ZNF561: variants seen among roughly 807,000 people sequenced by gnomAD.
ZNF561 encodes the protein zinc finger protein 561.
In ZNF561, 16 loss-of-function variants were observed where a neutral mutation model predicts 16.7. The observed-to-expected ratio is 0.96, with a 90% CI of 0.65 to 1.45. The LOEUF is 1.45. ZNF561 is among the 40% of genes most tolerant of loss of function. ZNF561 has a pLI of 0.00. For synonymous variants in ZNF561, 190 were observed against 192.1 expected (o/e 0.99, Z 0.09); for missense variants, 580 against 578.0 (o/e 1.00, Z -0.04).
intron 3 of ZNF561, chr19:9,617,390 A>C: frequency 9.0e-7 from 1 of 1,109,178 alleles, no homozygotes. Context: ...AATTTTTTTA[A>C]ATCTTTTTTT....
At position 9,619,471 on chromosome 19, in the gene ZNF561, G is replaced by T; in HGVS notation, c.-15C>A. On this transcript the variant is annotated 5_prime_UTR_variant, in exon 2 of 6. Transcript: ENST00000302851. Reference sequence around the variant, plus strand: ...ATGGCTGCCATTCTCTGAAGCTGATGGTGTGATGATGTGCATCCCTTCCTT... The same window carrying T: ...ATGGCTGCCATTCTCTGAAGCTGATTGTGTGATGATGTGCATCCCTTCCTT... The T allele has an allele frequency of 6.2e-7, 1 of 1,612,806 alleles. No homozygotes were observed. Among genetic ancestry groups the T allele is most frequent in the South Asian group, 1.1e-5 (1 of 90,972 alleles).
rs2074415725 is a variant in ZNF561, at chr19:9,609,959, G to A, written c.*241C>T. ...CAACTTGTTAATGCTATGATCTTAGGAATCTAATCACCAAGGTGAGGCAGC... is the reference window on the plus strand; with the variant it reads ...CAACTTGTTAATGCTATGATCTTAGAAATCTAATCACCAAGGTGAGGCAGC... On this transcript the variant is annotated 3_prime_UTR_variant, in exon 6 of 6. Transcript: ENST00000302851. 4 of 394,148 alleles carry A rather than the reference G, an allele frequency of 1.0e-5. No homozygotes were observed. Among genetic ancestry groups the A allele is most frequent in the Non-Finnish European group, 1.8e-5 (4 of 219,402 alleles). The allele number at this position is 394,148 out of a possible 1,614,324, so 24.4% of individuals were successfully genotyped here. A position where few individuals can be genotyped will look rare whatever the true frequency, so the allele number is the denominator to read the frequency against.
Position 9,610,919 on chromosome 19 carries a change from T to C in ZNF561, c.742A>G (p.Thr248Ala). 3.1e-6 allele frequency: 5 copies of C among 1,614,228 alleles called. No individual in the cohort carries two copies. The highest frequency in any genetic ancestry group is 3.4e-6 in the Non-Finnish European group (4 of 1,180,040). ...TTAGTCTTTTTGGATTTCTTTCCTGTATGAACTGCTACACACTGCTTTAGG... is the reference window on the plus strand; with the variant it reads ...TTAGTCTTTTTGGATTTCTTTCCTGCATGAACTGCTACACACTGCTTTAGG... ...SHLKQCVAVH[T>A]GKKSKKTKKC... Residue 248 changes from threonine to alanine, a missense_variant, in exon 6 of 6, where the codon ACA becomes GCA. Transcript: ENST00000302851.
At chr19:9,614,670 G>A (rs1401399091) in intron 4 of ZNF561, among the ~76,000 whole-genome samples, 1 of 151,978 alleles carries the variant, frequency 6.6e-6, no homozygotes, top group Non-Finnish European at 1.5e-5. Flanking sequence ...AAGTAGGAAA[G>A]ATCTAGATAA....
chr19:9,617,547 G>A (rs2074578310), intron 3 of ZNF561: 2 of 371,706 alleles, frequency 5.4e-6, no homozygotes, highest in East Asian at 7.3e-5. Flanking sequence ...TAAAAACAGG[G>A]TCCAACTGTG....
Position 9,619,496 on chromosome 19 carries a change from T to C in ZNF561, c.-40A>G. 1 of 1,611,050 alleles carries C rather than the reference T, an allele frequency of 6.2e-7. No individual in the cohort carries two copies. The highest frequency in any genetic ancestry group is 8.5e-7 in the Non-Finnish European group (1 of 1,177,828). ...GGTGTGATGATGTGCATCCCTTCCT[T>C]GATGCCAAGATCACCTCAGGCCAGC... On this transcript the variant is annotated 5_prime_UTR_variant, in exon 2 of 6. Transcript: ENST00000302851.
rs1188632865 is a variant in ZNF561, at chr19:9,608,491, T to C, written c.*1709A>G. The C allele has an allele frequency of 6.6e-6, 1 of 152,148 alleles. No individual in the cohort carries two copies. The highest frequency in any genetic ancestry group is 1.5e-5 in the Non-Finnish European group (1 of 68,040). The allele number at this position is 152,148 out of a possible 1,614,324, so 9.4% of individuals were successfully genotyped here. ...CCTCATTTATTTAAAATTAACAAAT[T>C]TGTAAGCCATTTGGTCTGTGGTATT... On this transcript the variant is annotated 3_prime_UTR_variant, in exon 6 of 6. Coordinates refer to ENST00000302851, the MANE Select transcript of ZNF561 (RefSeq NM_152289.3).
chr19:9,614,472 G>T (rs1271634230), intron 4 of ZNF561, among the ~76,000 whole-genome samples: 1 of 152,194 alleles, frequency 6.6e-6, no homozygotes, highest in African/African-American at 2.4e-5. Flanking sequence ...GCCAGGCATG[G>T]TGGCGCATGC....
rs770908461 is a variant in ZNF561, at chr19:9,610,870, T to A, written c.791A>T (p.Asn264Ile). The A allele has an allele frequency of 1.2e-6, 2 of 1,614,014 alleles. No individual in the cohort carries two copies. Among genetic ancestry groups the A allele is most frequent in the African/African-American group, 1.3e-5 (1 of 74,910 alleles). ...CACAGGTGCATAAAGTTGAGAAAAA[T>A]TAGTGAAGGATTTCCCACATTTCTT... ...KTKKCGKSFT[N>I]FSQLYAPVKT... The change falls in exon 6 of 6, where the codon AAT (asparagine) becomes ATT (isoleucine). Residue 264 changes from asparagine (N) to isoleucine (I), a missense_variant. Transcript: ENST00000302851.
chr19:9,616,848 C>T, intron 4 of ZNF561, 197 bp downstream of exon 4: 1 of 562,970 alleles, frequency 1.8e-6, no homozygotes, highest in Non-Finnish European at 2.9e-6. Context: ...TCCACCTCAG[C>T]CTCCCAAAGT....
At position 9,609,607 on chromosome 19, in the gene ZNF561, T is replaced by C. The variant is rs117197940; in HGVS notation, c.*593A>G. On this transcript the variant is annotated 3_prime_UTR_variant, in exon 6 of 6. Transcript: ENST00000302851. Reference sequence around the variant, plus strand: ...AGTGAGAAGAGAGACTGGATTATACTAGAAGAGACATTGCCACTTACATTG... The same window carrying C: ...AGTGAGAAGAGAGACTGGATTATACCAGAAGAGACATTGCCACTTACATTG... The C allele has an allele frequency of 0.017, 2,651 of 152,886 alleles. 34 individuals carry two copies. Among genetic ancestry groups the C allele is most frequent in the Non-Finnish European group, 0.026 (1,772 of 68,464 alleles). 9.5% of individuals were successfully genotyped at this position (152,886 alleles called of 1,614,324 possible).
Position 9,611,209 on chromosome 19 carries a change from T to C in ZNF561, c.452A>G (p.Tyr151Cys). 2 of 1,613,944 alleles carry C rather than the reference T, an allele frequency of 1.2e-6. No individual in the cohort carries two copies. Among genetic ancestry groups the C allele is most frequent in the Non-Finnish European group, 8.5e-7 (1 of 1,179,876 alleles). The change falls in exon 6 of 6, where the codon TAT (tyrosine) becomes TGT (cysteine). Residue 151 changes from tyrosine (Y) to cysteine (C), a missense_variant. Coordinates refer to ENST00000302851, the MANE Select transcript of ZNF561 (RefSeq NM_152289.3). The stretch of plus-strand genomic sequence containing the variant: ...GTGCACACTGAGGGTGTCTTTTCCA[T>C]AACAATTACCCTCAGAAGTATTCCC... ...NGGNTSEGNC[Y>C]GKDTLSVHKE... is the part of the protein sequence containing the mutation.
At position 9,610,046 on chromosome 19, in the gene ZNF561, T is replaced by C. The variant is rs2074416877; in HGVS notation, c.*154A>G. ...ACAGATGCCCAGACTCAGGCAACCA[T>C]GATGTTGTATTCAGAACCTGTAGGT... On this transcript the variant is annotated 3_prime_UTR_variant, in exon 6 of 6. Transcript: ENST00000302851. The C allele has an allele frequency of 1.5e-6, 1 of 670,948 alleles. No homozygotes were observed. Among genetic ancestry groups the C allele is most frequent in the Non-Finnish European group, 2.4e-6 (1 of 411,508 alleles). 41.6% of individuals were successfully genotyped at this position (670,948 alleles called of 1,614,324 possible).
At chr19:9,612,881 A>T (rs1472013067) in intron 5 of ZNF561, among the ~76,000 whole-genome samples, 1 of 152,104 alleles carries the variant, frequency 6.6e-6, no homozygotes, top group Non-Finnish European at 1.5e-5. Flanking sequence ...CTGTGGCCTT[A>T]ATCTCCCAGG....
At chr19:9,612,001 C>T (rs958576867) in intron 5 of ZNF561, among the ~76,000 whole-genome samples, 2 of 151,822 alleles carry the variant, frequency 1.3e-5, no homozygotes, top group South Asian at 2.1e-4. Flanking sequence ...GATTTCGGCT[C>T]GTTGCAAACT....
At position 9,610,791 on chromosome 19, in the gene ZNF561, A is replaced by G; in HGVS notation, c.870T>C (p.Phe290=). ...GATCATTAAGGCATGAGGAATTTCT[A>G]AAGGATCTTCCACATTCTTTACATT... ...SFECKECGRS[F]RNSSCLNDHI... Residue 290 remains phenylalanine, a synonymous_variant, in exon 6 of 6, where the codon TTT becomes TTC. Transcript: ENST00000302851. 2.5e-6 allele frequency: 4 copies of G among 1,614,128 alleles called. No individual in the cohort carries two copies. The highest frequency in any genetic ancestry group is 3.4e-6 in the Non-Finnish European group (4 of 1,179,998).
chr19:9,619,889 A>ATATCTATC (rs2074632970), intron 1 of ZNF561, among the ~76,000 whole-genome samples: 1 of 138,376 alleles, frequency 7.2e-6, no homozygotes, highest in Admixed American at 7.6e-5. Context: ...ATCTATCTAT[A>ATATCTATC]TATCTATCTA....
chr19:9,617,914 T>G, intron 3 of ZNF561, 177 bp downstream of exon 3: 1 of 644,720 alleles, frequency 1.6e-6, no homozygotes, highest in South Asian at 1.6e-5. Flanking sequence ...ATTTTCAAGT[T>G]AACATTTTAT....
At chr19:9,611,557 C>T (rs2074458880) in intron 5 of ZNF561, among the ~76,000 whole-genome samples, 1 of 152,194 alleles carries the variant, frequency 6.6e-6, no homozygotes, top group South Asian at 2.1e-4. Flanking sequence ...ACTGATTCTC[C>T]TGCCTCAGCC....
Sources: gnomAD v4.1 joint callset for allele counts (sites outside exome capture counted in the v4.1 genomes callset) on GRCh38, gnomAD v4.1.1 for gene constraint, MANE v1.5 for transcripts, NCBI Gene and HGNC (gene_info 2026-07-23, HGNC 2026-07-21) for gene names.